Variants in GCH1 observed in about 807,000 individuals in gnomAD.
The protein encoded by GCH1 is GTP cyclohydrolase I.
Under a neutral mutation model 25.9 loss-of-function variants are expected in GCH1, and 5 were observed. The observed-to-expected ratio is 0.19, with a 90% confidence interval of 0.10 to 0.41. GCH1 has a LOEUF of 0.41. Ranked by LOEUF, GCH1 falls within the 10% of genes least tolerant of loss-of-function variation. The pLI, the probability that GCH1 is intolerant of heterozygous loss-of-function variation, is 1.00. For missense variants in GCH1, 261 were observed against 336.5 expected, an observed-to-expected ratio of 0.78 and a Z score of 1.75; for synonymous variants, 159 against 129.6, an observed-to-expected ratio of 1.23 and a Z score of -1.54.
intron 1 of GCH1, among the ~76,000 whole-genome samples, chr14:54,894,663 C>T (rs192239658): frequency 6.6e-6 from 1 of 152,224 alleles, no homozygotes; most frequent in Admixed American, 6.5e-5. Flanking sequence ...TTAGGATTGG[C>T]TTTTCTCCCC....
intron 1 of GCH1, among the ~76,000 whole-genome samples, chr14:54,873,716 C>T (rs2040115575): frequency 6.6e-6 from 1 of 152,180 alleles, no homozygotes; most frequent in African/African-American, 2.4e-5. Flanking sequence ...ACTATAAACA[C>T]CTCTATGCAA....
intron 3 of GCH1, among the ~76,000 whole-genome samples, chr14:54,858,220 A>G (rs1004283325): frequency 6.6e-6 from 1 of 152,196 alleles, no homozygotes; most frequent in African/African-American, 2.4e-5. Context: ...GCCTGCATAA[A>G]GAAACAGGAA....
intron 1 of GCH1, among the ~76,000 whole-genome samples, chr14:54,877,585 C>T (rs2040181117): frequency 2.0e-5 from 3 of 152,126 alleles, no homozygotes; most frequent in African/African-American, 7.2e-5. Flanking sequence ...CCTCCACCTC[C>T]TAGGCTCAGG....
At chr14:54,875,762 G>T (rs930496927) in intron 1 of GCH1, among the ~76,000 whole-genome samples, 3 of 152,154 alleles carry the variant, frequency 2.0e-5, no homozygotes, top group African/African-American at 7.2e-5. Flanking sequence ...ATCATCACTG[G>T]CCATCAGAGA....
intron 1 of GCH1, among the ~76,000 whole-genome samples, chr14:54,891,817 T>C (rs1402327650): frequency 6.6e-6 from 1 of 152,204 alleles, no homozygotes; most frequent in Admixed American, 6.5e-5. Context: ...ATCCACATTG[T>C]CTATGCTTCC....
intron 4 of GCH1, among the ~76,000 whole-genome samples, chr14:54,846,721 C>T (rs573558845): frequency 6.6e-6 from 1 of 152,306 alleles, no homozygotes; most frequent in East Asian, 1.9e-4. Flanking sequence ...ATAAGTCATA[C>T]TTATCGCACT....
intron 1 of GCH1, among the ~76,000 whole-genome samples, chr14:54,876,835 T>C (rs2040169145): frequency 6.6e-6 from 1 of 152,156 alleles, no homozygotes; most frequent in Non-Finnish European, 1.5e-5. Flanking sequence ...GTAAAAATGA[T>C]TACCTGCAAA....
At chr14:54,870,925 CG>C (rs571299230) in intron 1 of GCH1, among the ~76,000 whole-genome samples, 152 of 152,310 alleles carry the variant, frequency 1.0e-3, no homozygotes, top group Non-Finnish European at 1.7e-3. Flanking sequence ...TCTGGGGGCA[CG>C]GCATAGCCGA....
chr14:54,856,911 T>C (rs929572356), intron 3 of GCH1, among the ~76,000 whole-genome samples: 4 of 152,238 alleles, frequency 2.6e-5, no homozygotes, highest in Admixed American at 1.3e-4. Flanking sequence ...AAGGCTTTAC[T>C]GCTTGATATT....
intron 1 of GCH1, among the ~76,000 whole-genome samples, chr14:54,881,218 T>TA (rs2040268034): frequency 1.3e-5 from 2 of 152,094 alleles, no homozygotes; most frequent in African/African-American, 2.4e-5. Flanking sequence ...AAACAAACAT[T>TA]AAAAAAACAG....
intron 1 of GCH1, among the ~76,000 whole-genome samples, chr14:54,900,157 G>A (rs955154219): frequency 4.9e-5 from 7 of 144,010 alleles, no homozygotes; most frequent in African/African-American, 1.3e-4. Context: ...GAGCCACCGC[G>A]CCCGGCCCAT....
At chr14:54,864,486 T>C (rs2039963428) in intron 2 of GCH1, among the ~76,000 whole-genome samples, 1 of 152,248 alleles carries the variant, frequency 6.6e-6, no homozygotes, top group Admixed American at 6.5e-5. Flanking sequence ...CAACATCTAA[T>C]AACTAACTCA....
At position 54,884,772 on chromosome 14, in the gene GCH1, AAACAACAAC is replaced by A. The variant is rs759940280; in HGVS notation, c.343+17540_343+17548del. 28 of 145,648 alleles carry A rather than the reference AAACAACAAC, an allele frequency of 1.9e-4. 2 individuals are homozygous for A. The South Asian group carries it at 2.0e-3, about 11-fold the overall frequency. 9.0% of individuals were successfully genotyped at this position (145,648 alleles called of 1,614,324 possible). A position where few individuals can be genotyped will look rare whatever the true frequency, so the allele number is the denominator to read the frequency against. ...GCAACAAGAGTGAAACTCTGTCTCA[AAACAACAAC>A]AACAACAACAACAACAACAAAAAAA... is the stretch of plus-strand genomic sequence containing the variant. On this transcript the variant is annotated intron_variant, in intron 1 of 5. Coordinates refer to ENST00000491895, the MANE Select transcript of GCH1 (RefSeq NM_000161.3).
At chr14:54,870,244 T>A (rs180742090) in intron 1 of GCH1, among the ~76,000 whole-genome samples, 144 of 148,902 alleles carry the variant, frequency 9.7e-4, no homozygotes, top group Non-Finnish European at 1.7e-3. Context: ...ACATCTGTAA[T>A]TCTAGCACTT....
chr14:54,859,452 A>G, intron 3 of GCH1: 2 of 549,722 alleles, frequency 3.6e-6, no homozygotes, highest in South Asian at 4.0e-5. Flanking sequence ...GACTTCCAGG[A>G]TGTATGTATC....
intron 4 of GCH1, among the ~76,000 whole-genome samples, chr14:54,846,770 G>A (rs2039648578): frequency 6.6e-6 from 1 of 152,168 alleles, no homozygotes; most frequent in Non-Finnish European, 1.5e-5. Flanking sequence ...TAGGAAAAAT[G>A]TTTTCTGTAG....
chr14:54,844,192 G>C (rs1194420463), intron 5 of GCH1, 49 bp from the exon 6 acceptor site: 4 of 1,355,098 alleles, frequency 3.0e-6, no homozygotes, highest in Non-Finnish European at 4.2e-6. Flanking sequence ...ACAGCTGCTG[G>C]TTTGGTTTTT....
At chr14:54,883,371 C>CAAAA (rs59191993) in intron 1 of GCH1, among the ~76,000 whole-genome samples, 10 of 55,224 alleles carry the variant, frequency 1.8e-4, no homozygotes, top group African/African-American at 6.2e-4. Flanking sequence ...GACTCCGACT[C>CAAAA]AAAAAAAAAA....
At chr14:54,887,715 G>A (rs1404282771) in intron 1 of GCH1, among the ~76,000 whole-genome samples, 1 of 152,068 alleles carries the variant, frequency 6.6e-6, no homozygotes, top group Non-Finnish European at 1.5e-5. Flanking sequence ...ACGCTTTTTA[G>A]GGTGACATTT....
Sources: allele counts gnomAD v4.1 joint callset (sites outside exome capture counted in the v4.1 genomes callset), GRCh38; gene constraint gnomAD v4.1.1; transcripts MANE v1.5; gene names NCBI Gene and HGNC (gene_info 2026-07-23, HGNC 2026-07-21).